FAM120B: variants seen among roughly 807,000 people sequenced by gnomAD.
The protein encoded by FAM120B is constitutive coactivator of peroxisome proliferator-activated receptor gamma.
FAM120B carries 83 observed loss-of-function variants against 96.3 expected under a neutral mutation model. That is an observed-to-expected ratio of 0.86 (90% CI 0.72 to 1.03). The LOEUF (loss-of-function observed/expected upper bound fraction) is 1.03, where lower values mean the gene tolerates loss of function less well. Ranked by LOEUF, FAM120B falls within the 50% of genes least tolerant of loss-of-function variation. FAM120B has a pLI of 0.00. For missense variants in FAM120B, 1,027 were observed against 1,121.2 expected (o/e 0.92, Z 1.20); for synonymous variants, 407 against 402.7 (o/e 1.01, Z -0.13).
intron 4 of FAM120B, among the ~76,000 whole-genome samples, chr6:170,338,549 A>G (rs774570590): frequency 1.3e-5 from 2 of 152,130 alleles, no homozygotes; most frequent in Non-Finnish European, 2.9e-5. Flanking sequence ...TCTTAGGTCT[A>G]CTTGGTCCAG....
rs1340386024 is a variant in FAM120B at position 170,370,387 on chromosome 6, C to T, written c.2283+12069C>T. On this transcript the variant is annotated intron_variant, in intron 6 of 10. Coordinates refer to ENST00000476287, the MANE Select transcript of FAM120B (RefSeq NM_032448.3). The surrounding 1 kb of genome is among the most constrained non-coding windows in gnomAD (Gnocchi z 4.3). The stretch of plus-strand genomic sequence containing the variant: ...ATGCCCCAGCCACCTGAGGGTCCAT[C>T]ACCCTTCCTCTGGGGGGTGAGGCAG... Among the ~76,000 whole-genome samples the T allele has an allele frequency of 2.6e-5, 4 of 152,214 alleles. No homozygotes were observed. The East Asian group carries it at 7.7e-4, about 29-fold the overall frequency.
upstream of FAM120B, among the ~76,000 whole-genome samples, chr6:170,302,965 T>C (rs1784173279): frequency 6.6e-6 from 1 of 152,206 alleles, no homozygotes; most frequent in Admixed American, 6.5e-5. Context: ...TGTACTGTAG[T>C]CATAACAATT....
rs1778793584 is a variant in FAM120B, at chr6:170,406,126, A to G, written c.*1375A>G. ...CTGAGCTGTACCTGTGGGAAAAGGA[A>G]TGGCCAGGGTATTGATGATGGAAAA... On this transcript the variant is annotated 3_prime_UTR_variant, in exon 11 of 11. Coordinates refer to ENST00000476287, the MANE Select transcript of FAM120B (RefSeq NM_032448.3). 1 of 152,146 alleles carries G rather than the reference A, an allele frequency of 6.6e-6. No individual in the cohort carries two copies. Among genetic ancestry groups the G allele is most frequent in the Non-Finnish European group, 1.5e-5 (1 of 68,000 alleles). The allele number at this position is 152,146 out of a possible 1,614,324, so 9.4% of individuals were successfully genotyped here.
rs757243123 is a variant in FAM120B at position 170,317,985 on chromosome 6, G to T, written c.595G>T (p.Glu199Ter). ...CTTTTCAATTAGCGAGCTCTGCCTAGAGAGCCTGGACACCGTCATGCTCTG... is the reference window on the plus strand; with the variant it reads ...CTTTTCAATTAGCGAGCTCTGCCTATAGAGCCTGGACACCGTCATGCTCTG... ...PYFSISELCL[E>*]SLDTVMLCRE... Residue 199 changes from glutamate (E) to a stop codon, truncating the protein, a stop_gained, in exon 2 of 11, where the codon GAG (glutamate) becomes TAG (stop). Coordinates refer to ENST00000476287, the MANE Select transcript of FAM120B (RefSeq NM_032448.3). LOFTEE classifies it high-confidence loss of function. 6.2e-7 allele frequency: 1 copy of T among 1,613,818 alleles called. No individual in the cohort carries two copies. The highest frequency in any genetic ancestry group is 8.5e-7 in the Non-Finnish European group (1 of 1,179,800).
rs1380184380 is a variant in FAM120B at position 170,404,885 on chromosome 6, A to T, written c.*134A>T. On this transcript the variant is annotated 3_prime_UTR_variant, in exon 11 of 11. Coordinates refer to ENST00000476287, the MANE Select transcript of FAM120B (RefSeq NM_032448.3). ...CCAGGCCTCGCTTGCATGAAGAAGG[A>T]ACGATGCCTTTTTCAATGGTGTCTC... 9.6e-6 allele frequency: 4 copies of T among 417,056 alleles called. No homozygotes were observed. The highest frequency in any genetic ancestry group is 1.7e-5 in the Non-Finnish European group (4 of 232,492). 25.8% of individuals were successfully genotyped at this position (417,056 alleles called of 1,614,324 possible).
At chr6:170,371,385 C>T (rs1789179597) in intron 6 of FAM120B, among the ~76,000 whole-genome samples, 1 of 152,132 alleles carries the variant, frequency 6.6e-6, no homozygotes, top group Non-Finnish European at 1.5e-5. Flanking sequence ...CTTTTTGGCC[C>T]TGTGAATAAT....
chr6:170,397,318 T>C (rs1462479905), intron 9 of FAM120B, among the ~76,000 whole-genome samples: 1 of 152,098 alleles, frequency 6.6e-6, no homozygotes, highest in Admixed American at 6.5e-5. Context: ...TCCCTCACTC[T>C]CTCTGCTGCT....
chr6:170,388,518 C>T (rs200669464), intron 7 of FAM120B, 25 bp downstream of exon 7: 53 of 1,586,668 alleles, frequency 3.3e-5, no homozygotes, highest in Non-Finnish European at 4.6e-5. Context: ...ACCTACCTTT[C>T]ACCAGAAACA....
At chr6:170,387,163 A>T (rs1477865608) in intron 6 of FAM120B, among the ~76,000 whole-genome samples, 2 of 152,182 alleles carry the variant, frequency 1.3e-5, no homozygotes, top group Non-Finnish European at 2.9e-5. Context: ...TTTGTAGAAT[A>T]AAAAGTGTCG....
At chr6:170,345,741 G>A (rs577722840) in intron 4 of FAM120B, among the ~76,000 whole-genome samples, 3 of 152,336 alleles carry the variant, frequency 2.0e-5, no homozygotes, top group Admixed American at 1.3e-4. Flanking sequence ...TTCCTTGGAT[G>A]TCTAAGCCCA....
At chr6:170,302,477 T>C (rs769479987), upstream of FAM120B, among the ~76,000 whole-genome samples, 12 of 152,234 alleles carry the variant, frequency 7.9e-5, no homozygotes, top group Non-Finnish European at 1.3e-4. Flanking sequence ...GTGGTTGTTA[T>C]ACTCAAAAGA....
chr6:170,375,328 A>G lies in FAM120B; in HGVS notation c.2284-12959A>G, dbSNP rs552575651. 2.0e-5 allele frequency among the ~76,000 whole-genome samples: 3 copies of G among 152,338 alleles called. No individual in the cohort carries two copies. The East Asian group carries it at 5.8e-4, about 29-fold the overall frequency. The stretch of plus-strand genomic sequence containing the variant: ...TGAAGTCCATTCCTTCAGGGTGGAA[A>G]CTGACTGTTGGCAAAACACAGTTCT... On this transcript the variant is annotated intron_variant, in intron 6 of 10. Transcript: ENST00000476287.
chr6:170,404,707 T>C, intron 10 of FAM120B, 56 bp from the exon 11 acceptor site: 2 of 870,160 alleles, frequency 2.3e-6, no homozygotes, highest in Non-Finnish European at 3.7e-6. Flanking sequence ...AGATATTGAA[T>C]CCTGCTGACC....
At chr6:170,387,867 G>A (rs1448190080) in intron 6 of FAM120B, among the ~76,000 whole-genome samples, 2 of 152,128 alleles carry the variant, frequency 1.3e-5, no homozygotes, top group African/African-American at 4.8e-5. Flanking sequence ...GAAGAAAGTT[G>A]TTCAGGAAAG....
In FAM120B at chr6:170,317,482, G is replaced by T. The variant is rs761235189; in HGVS notation, c.92G>T (p.Arg31Leu). Reference sequence around the variant, plus strand: ...TTCAAAGAACTGGCAGAGCACCACCGAAGCAAGTATCCTGGATGTACCCCT... The same window carrying T: ...TTCAAAGAACTGGCAGAGCACCACCTAAGCAAGTATCCTGGATGTACCCCT... ...VNFKELAEHH[R>L]SKYPGCTPTI... The change falls in exon 2 of 11, where the codon CGA becomes CTA. Residue 31 changes from arginine to leucine, a missense_variant. By Grantham distance (102) the Arg-to-Leu change is moderately radical. Around this residue, in one of 3 missense-constraint regions of FAM120B, gnomAD observed 880 missense variants for 980.9 expected, o/e 0.90. Coordinates refer to ENST00000476287, the MANE Select transcript of FAM120B (RefSeq NM_032448.3). 26 of 1,614,184 alleles carry T rather than the reference G, an allele frequency of 1.6e-5. No individual in the cohort carries two copies. The East Asian group carries it at 5.8e-4, about 36-fold the overall frequency.
At chr6:170,398,976 TGG>T (rs1778377335) in intron 9 of FAM120B, among the ~76,000 whole-genome samples, 2 of 149,356 alleles carry the variant, frequency 1.3e-5, no homozygotes, top group East Asian at 2.1e-4. Context: ...TAGGAGTGAG[TGG>T]GAAAGGTAGA....
At chr6:170,404,339 C>T in intron 9 of FAM120B, 1 of 512,676 alleles carries the variant, frequency 2.0e-6, no homozygotes. Context: ...TGTTTCCTTC[C>T]ACGAACCTCT....
At chr6:170,358,828 G>A (rs1788145754) in intron 6 of FAM120B, among the ~76,000 whole-genome samples, 1 of 152,194 alleles carries the variant, frequency 6.6e-6, no homozygotes, top group African/African-American at 2.4e-5. Flanking sequence ...CCCTCCGGGA[G>A]TGCTTATTTC....
intron 6 of FAM120B, among the ~76,000 whole-genome samples, chr6:170,374,098 A>C (rs1182889133): frequency 6.6e-6 from 1 of 152,178 alleles, no homozygotes; most frequent in East Asian, 1.9e-4. Context: ...AGGAAACTGA[A>C]TGTCTATAAA....
Sources: gnomAD v4.1 joint callset for allele counts (sites outside exome capture counted in the v4.1 genomes callset) on GRCh38, gnomAD v4.1.1 for gene constraint, gnomAD v4.1.1 regional missense constraint, Gnocchi (gnomAD v3.1) non-coding constraint, MANE v1.5 for transcripts, NCBI Gene and HGNC (gene_info 2026-07-23, HGNC 2026-07-21) for gene names.